ERC2: variants seen among roughly 807,000 people sequenced by gnomAD.
ERC2 encodes the protein ELKS/RAB6-interacting/CAST family member 2, also known as ERC protein 2.
ERC2 carries 42 observed loss-of-function variants against 114.8 expected under a neutral mutation model. The ratio of observed to expected loss-of-function variants is 0.37; its 90% CI spans 0.29 to 0.47. The LOEUF (loss-of-function observed/expected upper bound fraction) is 0.47, where lower values mean the gene tolerates loss of function less well. ERC2 is among the 20% of genes least tolerant of loss of function. The pLI is 0.99. For missense variants in ERC2, 939 were observed against 1,150.7 expected (o/e 0.82, Z 2.66); for synonymous variants, 454 against 425.5 (o/e 1.07, Z -0.82).
At chr3:56,387,503 A>C (rs1046456600) in intron 2 of ERC2, among the ~76,000 whole-genome samples, 1 of 152,156 alleles carries the variant, frequency 6.6e-6, no homozygotes, top group Admixed American at 6.6e-5. Flanking sequence ...TTATTTGACT[A>C]TTCAGATTCT....
chr3:56,421,926 G>A (rs1459819379), intron 2 of ERC2, among the ~76,000 whole-genome samples: 1 of 151,994 alleles, frequency 6.6e-6, no homozygotes, highest in African/African-American at 2.4e-5. Flanking sequence ...GTAAATAAAT[G>A]GTCTGGATTC....
intron 3 of ERC2, among the ~76,000 whole-genome samples, chr3:56,178,308 C>T (rs1257429073): frequency 6.6e-6 from 1 of 152,128 alleles, no homozygotes; most frequent in African/African-American, 2.4e-5. Flanking sequence ...TGGCCTTTTC[C>T]CATTATTGTT....
chr3:56,222,085 A>G (rs1310311816), intron 3 of ERC2, among the ~76,000 whole-genome samples: 1 of 152,180 alleles, frequency 6.6e-6, no homozygotes, highest in Non-Finnish European at 1.5e-5. Context: ...TACTGTCAAG[A>G]GTATATTAAA....
intron 14 of ERC2, among the ~76,000 whole-genome samples, chr3:55,767,376 CT>C (rs1252865705): frequency 1.3e-5 from 2 of 152,214 alleles, no homozygotes; most frequent in African/African-American, 4.8e-5. Flanking sequence ...ACCCCAGAGG[CT>C]TCGGCAAGGC....
At chr3:56,370,595 G>T (rs200998829) in intron 2 of ERC2, among the ~76,000 whole-genome samples, 4,176 of 123,740 alleles carry the variant, frequency 0.034, 136 homozygotes, top group African/African-American at 0.078. Context: ...GGGTTTTTTT[G>T]TTTTTTTTTT....
At chr3:56,380,073 A>G (rs2059691767) in intron 2 of ERC2, among the ~76,000 whole-genome samples, 1 of 152,130 alleles carries the variant, frequency 6.6e-6, no homozygotes, top group Non-Finnish European at 1.5e-5. Flanking sequence ...TCTACTCTCA[A>G]TTAGCAAACA....
chr3:56,308,787 T>C (rs994850395), intron 2 of ERC2, among the ~76,000 whole-genome samples: 3 of 144,600 alleles, frequency 2.1e-5, no homozygotes, highest in Non-Finnish European at 3.1e-5. Flanking sequence ...TATCCAAAAG[T>C]CGTGAAGTTT....
chr3:55,659,681 T>C (rs1282302588), intron 17 of ERC2, among the ~76,000 whole-genome samples: 1 of 152,154 alleles, frequency 6.6e-6, no homozygotes, highest in African/African-American at 2.4e-5. Flanking sequence ...TTCAAAAAAC[T>C]AGCAGAAAGG....
rs188651382 is a variant in ERC2, at chr3:55,894,396, G to T, written c.2404-5847C>A. Among the ~76,000 whole-genome samples, 68 of 152,236 alleles carry T rather than the reference G, an allele frequency of 4.5e-4. 1 individual carries two copies. The highest frequency in any genetic ancestry group is 1.6e-3 in the African/African-American group (66 of 41,534). On this transcript the variant is annotated intron_variant, in intron 13 of 17. Coordinates refer to ENST00000288221, the MANE Select transcript of ERC2 (RefSeq NM_015576.3). ...TACTCAAATTATATTAAAATGCCCA[G>T]AAGAAGGATTATTTGGGGACAATAT...
At chr3:55,668,064 TAATA>T (rs963054693) in intron 17 of ERC2, among the ~76,000 whole-genome samples, 4 of 151,544 alleles carry the variant, frequency 2.6e-5, no homozygotes, top group African/African-American at 4.8e-5. Flanking sequence ...GCTGAATGCA[TAATA>T]AATTATATAT....
At chr3:56,160,903 G>T in intron 4 of ERC2, among the ~76,000 whole-genome samples, 1 of 152,086 alleles carries the variant, frequency 6.6e-6, no homozygotes, top group East Asian at 1.9e-4. Flanking sequence ...GTTTGACATC[G>T]GGTAATATGA....
Position 56,246,275 on chromosome 3 carries a change from C to T in ERC2, c.1074+49744G>A, listed in dbSNP as rs542085481. ...ATTAGAGACCAGATAACCGTGTTGT[C>T]GAGGGGCCTGCCCTGTGCATTGTAG... On this transcript the variant is annotated intron_variant, in intron 3 of 17. Coordinates refer to ENST00000288221, the MANE Select transcript of ERC2 (RefSeq NM_015576.3). Among the ~76,000 whole-genome samples, 44 of 151,922 alleles carry T rather than the reference C, an allele frequency of 2.9e-4. No individual in the cohort carries two copies. In the Middle Eastern group the frequency reaches 0.014, roughly 47 times the overall value.
intron 17 of ERC2, among the ~76,000 whole-genome samples, chr3:55,589,706 G>C (rs1041096037): frequency 6.6e-6 from 1 of 152,058 alleles, no homozygotes; most frequent in Non-Finnish European, 1.5e-5. Context: ...GGGAGGGCAG[G>C]AAGAGTTGTC....
chr3:55,645,770 G>A (rs771897877), intron 17 of ERC2, among the ~76,000 whole-genome samples: 1 of 152,148 alleles, frequency 6.6e-6, no homozygotes, highest in Non-Finnish European at 1.5e-5. Flanking sequence ...ATGTTTCAAT[G>A]TTATGACAAC....
chr3:55,668,041 G>C (rs993834241), intron 17 of ERC2, among the ~76,000 whole-genome samples: 1 of 152,096 alleles, frequency 6.6e-6, no homozygotes, highest in Admixed American at 6.5e-5. Flanking sequence ...AACCAAAAAT[G>C]ATTCCAGAGA....
intron 17 of ERC2, among the ~76,000 whole-genome samples, chr3:55,624,696 T>C (rs1162124467): frequency 1.3e-5 from 2 of 152,130 alleles, no homozygotes; most frequent in East Asian, 3.9e-4. Context: ...AAAATGGGAA[T>C]AAGTGTGCTG....
At chr3:55,743,608 A>AAG (rs2066115679) in intron 14 of ERC2, among the ~76,000 whole-genome samples, 1 of 151,512 alleles carries the variant, frequency 6.6e-6, no homozygotes, top group Non-Finnish European at 1.5e-5. Context: ...AAAAAAAAAA[A>AAG]AAAAAGAAAC....
intron 1 of ERC2, among the ~76,000 whole-genome samples, chr3:56,454,733 C>T (rs974010253): frequency 2.7e-4 from 41 of 151,922 alleles, no homozygotes; most frequent in Admixed American, 2.2e-3. Flanking sequence ...CACCTGTAGT[C>T]CTAGCTACTT....
chr3:56,340,238 C>T (rs1384091410), intron 2 of ERC2, among the ~76,000 whole-genome samples: 1 of 152,064 alleles, frequency 6.6e-6, no homozygotes, highest in African/African-American at 2.4e-5. Context: ...GCATTAAATA[C>T]TATCATTAAA....
Sources: gnomAD v4.1 joint callset for allele counts (sites outside exome capture counted in the v4.1 genomes callset) on GRCh38, gnomAD v4.1.1 for gene constraint, MANE v1.5 for transcripts, NCBI Gene and HGNC (gene_info 2026-07-23, HGNC 2026-07-21) for gene names.